ABCA3: variants seen among roughly 807,000 people sequenced by gnomAD.
ABCA3 encodes the protein ATP binding cassette subfamily A member 3, also known as phospholipid-transporting ATPase ABCA3.
Under a neutral mutation model 172.8 loss-of-function variants are expected in ABCA3, and 88 were observed. The observed-to-expected ratio is 0.51, with a 90% CI of 0.43 to 0.61. The LOEUF (loss-of-function observed/expected upper bound fraction) is 0.61. ABCA3 is among the 20% of genes least tolerant of loss of function. ABCA3 has a pLI of 0.00. For missense variants in ABCA3, 2,164 were observed against 2,301.0 expected (o/e 0.94, Z 1.22); for synonymous variants, 1,066 against 983.8 (o/e 1.08, Z -1.56).
rs752271519 is a variant in ABCA3, at chr16:2,289,441, T to C, written c.2693A>G (p.Asn898Ser). 3.2e-6 allele frequency: 5 copies of C among 1,538,712 alleles called. No homozygotes were observed. In the African/African-American group the frequency reaches 5.5e-5, roughly 17 times the overall value. The change falls in exon 20 of 33, where the codon AAC becomes AGC. Residue 898 changes from asparagine to serine, a missense_variant. Transcript: ENST00000301732. ...IEEERTAVKL[N>S]TGLALHCQQF... ...ACCCACCTGGGCACTCACCCCAGTG[T>C]TGAGCTTGACAGCGGTGCGCTCCTC...
intron 7 of ABCA3, chr16:2,323,227 C>T (rs1207469280): frequency 4.0e-6 from 2 of 494,770 alleles, no homozygotes; most frequent in Non-Finnish European, 7.4e-6. Flanking sequence ...CTAGTTCAAC[C>T]ATTGTGGAAG....
At chr16:2,331,783 T>A (rs1374482480) in intron 1 of ABCA3, among the ~76,000 whole-genome samples, 8 of 152,152 alleles carry the variant, frequency 5.3e-5, no homozygotes, top group African/African-American at 1.9e-4. Flanking sequence ...TGAGCCCCCA[T>A]CAGCTACTCT....
intron 10 of ABCA3, among the ~76,000 whole-genome samples, chr16:2,313,278 G>C (rs2141724597): frequency 1.3e-5 from 2 of 152,224 alleles, no homozygotes; most frequent in East Asian, 3.9e-4. Context: ...TCTGGGGCCA[G>C]GTGTGGTAGC....
At chr16:2,313,188 C>T (rs952074062) in intron 10 of ABCA3, among the ~76,000 whole-genome samples, 1 of 152,014 alleles carries the variant, frequency 6.6e-6, no homozygotes, top group Non-Finnish European at 1.5e-5. Context: ...TGGTTTTGCT[C>T]ATCATTGTTT....
chr16:2,297,854 T>C lies in ABCA3; in HGVS notation c.1964A>G (p.Glu655Gly). 1 of 1,613,828 alleles carries C rather than the reference T, an allele frequency of 6.2e-7. No homozygotes were observed. ...VKQMLHIIGL[E>G]DKWNSRSRFL... is the part of the protein sequence containing the mutation. ...GCGGCTCCGTGAGTTCCACTTGTCC[T>C]CCAGGCCGATGATGTGCAGCATCTG... Residue 655 changes from glutamate to glycine, a missense_variant, in exon 16 of 33, where the codon GAG becomes GGG. Transcript: ENST00000301732. This position sits in a 1 kb window ranked among gnomAD's most constrained non-coding sequence, Gnocchi z 5.6.
In ABCA3 at chr16:2,291,709, C is replaced by T. The variant is rs117954669; in HGVS notation, c.2513+431G>A. Among the ~76,000 whole-genome samples the T allele has an allele frequency of 6.0e-4, 91 of 152,348 alleles. No homozygotes were observed. In the East Asian group the frequency reaches 0.015, roughly 26 times the overall value. On this transcript the variant is annotated intron_variant, in intron 19 of 32. Transcript: ENST00000301732. ...GACGGCGGCCACTGCCCGCCCCACC[C>T]CAGGCTGTTCCTCCAGCCTCACGTG... is the stretch of plus-strand genomic sequence containing the variant.
chr16:2,311,744 A>G (rs185480289), intron 10 of ABCA3, among the ~76,000 whole-genome samples: 43 of 150,430 alleles, frequency 2.9e-4, no homozygotes, highest in African/African-American at 1.0e-3. Context: ...CTGCTCTTGA[A>G]CTCCTGACCT....
In ABCA3 at chr16:2,336,142, G is replaced by A. The variant is rs371243166; in HGVS notation, c.-539+4431C>T. ...GAATAGAGCATTTGTGAAAACAGAC[G>A]TTTGAAGAGGTTTCCACAATTACGT... On this transcript the variant is annotated intron_variant, in intron 1 of 32. Transcript: ENST00000301732. 6.6e-5 allele frequency among the ~76,000 whole-genome samples: 10 copies of A among 152,278 alleles called. No individual in the cohort carries two copies. In the South Asian group the frequency reaches 1.2e-3, roughly 19 times the overall value.
At position 2,278,082 on chromosome 16, in the gene ABCA3, C is replaced by T. The variant is rs547597466; in HGVS notation, c.4719-13G>A. The T allele has an allele frequency of 2.0e-5, 32 of 1,613,056 alleles. No individual in the cohort carries two copies. The highest frequency in any genetic ancestry group is 2.5e-5 in the Non-Finnish European group (29 of 1,179,974). On this transcript the variant is annotated splice_polypyrimidine_tract_variant and intron_variant, in intron 30 of 32. Coordinates refer to ENST00000301732, the MANE Select transcript of ABCA3 (RefSeq NM_001089.3). The surrounding 1 kb of genome is among the most constrained non-coding windows in gnomAD (Gnocchi z 4.4). Reference sequence around the variant, plus strand: ...ACACTCCTCCATGCTGTGGAGAGGGCGGGACCTCAGATAGGGCTTGGGGTG... The same window carrying T: ...ACACTCCTCCATGCTGTGGAGAGGGTGGGACCTCAGATAGGGCTTGGGGTG...
rs1219976915 is a variant in ABCA3, at chr16:2,284,574, CG to C, written c.3704-138del. On this transcript the variant is annotated intron_variant, in intron 24 of 32. Coordinates refer to ENST00000301732, the MANE Select transcript of ABCA3 (RefSeq NM_001089.3). The surrounding 1 kb of genome is among the most constrained non-coding windows in gnomAD (Gnocchi z 5.9). ...GGGCACCTCCCAGGGACGCCCCTGC[CG>C]GCTCTGCACAGGGCAAGGACGCCGC... The C allele has an allele frequency of 3.6e-6, 5 of 1,379,256 alleles. No individual in the cohort carries two copies. The East Asian group carries it at 1.2e-4, about 32-fold the overall frequency. The allele number at this position is 1,379,256 out of a possible 1,614,324, so 85.4% of individuals were successfully genotyped here. A position where few individuals can be genotyped will look rare whatever the true frequency, so the allele number is the denominator to read the frequency against.
rs1243502845 is a variant in ABCA3, at chr16:2,279,446, G to C, written c.4360-316C>G. Among the ~76,000 whole-genome samples the C allele has an allele frequency of 6.6e-6, 1 of 152,184 alleles. No individual in the cohort carries two copies. The highest frequency in any genetic ancestry group is 2.4e-5 in the African/African-American group (1 of 41,444). ...GCCTTTACGTAGAAGCAGACTCAGA[G>C]CTGGCTACCCACTCATTCACACCTG... On this transcript the variant is annotated intron_variant, in intron 28 of 32. Coordinates refer to ENST00000301732, the MANE Select transcript of ABCA3 (RefSeq NM_001089.3). This position sits in a 1 kb window ranked among gnomAD's most constrained non-coding sequence, Gnocchi z 4.4.
Position 2,277,490 on chromosome 16 carries a change from G to T in ABCA3, c.4983+107C>A. ...CTGAGTGTTAGGGGAGAAATGGAAAGTGACTCCTCTGTGGAAAGAGCCTGC... is the reference window on the plus strand; with the variant it reads ...CTGAGTGTTAGGGGAGAAATGGAAATTGACTCCTCTGTGGAAAGAGCCTGC... On this transcript the variant is annotated intron_variant, in intron 32 of 32. Transcript: ENST00000301732. The surrounding 1 kb of genome is among the most constrained non-coding windows in gnomAD (Gnocchi z 5.3). 1 of 1,188,030 alleles carries T rather than the reference G, an allele frequency of 8.4e-7. No homozygotes were observed. The highest frequency in any genetic ancestry group is 1.2e-6 in the Non-Finnish European group (1 of 815,992). 73.6% of individuals were successfully genotyped at this position (1,188,030 alleles called of 1,614,324 possible).
chr16:2,308,317 G>C, intron 11 of ABCA3, 133 bp downstream of exon 11: 1 of 1,096,412 alleles, frequency 9.1e-7, no homozygotes, highest in Non-Finnish European at 1.4e-6. Flanking sequence ...GTATGCGGAT[G>C]CTGCTGCCTT....
Position 2,285,661 on chromosome 16 carries a change from G to A in ABCA3, c.3279-15C>T. 6.4e-7 allele frequency: 1 copy of A among 1,551,322 alleles called. No homozygotes were observed. Among genetic ancestry groups the A allele is most frequent in the East Asian group, 2.4e-5 (1 of 40,930 alleles). ...CCTTCCGGCCCCTGCGGGGGACAGA[G>A]AAGGTCAGGGACGGAGCACAGCACG... is the stretch of plus-strand genomic sequence containing the variant. On this transcript the variant is annotated splice_polypyrimidine_tract_variant and intron_variant, in intron 22 of 32. Transcript: ENST00000301732. This position sits in a 1 kb window ranked among gnomAD's most constrained non-coding sequence, Gnocchi z 4.7.
rs1452707237 is a variant in ABCA3 at position 2,278,693 on chromosome 16, C to G, written c.4548-235G>C. Among the ~76,000 whole-genome samples the G allele has an allele frequency of 6.6e-6, 1 of 152,174 alleles. No homozygotes were observed. The highest frequency in any genetic ancestry group is 1.5e-5 in the Non-Finnish European group (1 of 68,026). ...ACGCACCTACATGGGAAGACATCTG[C>G]CTGCACCTAAAGGGGACCTGCCGAC... On this transcript the variant is annotated intron_variant, in intron 29 of 32. Coordinates refer to ENST00000301732, the MANE Select transcript of ABCA3 (RefSeq NM_001089.3). The surrounding 1 kb of genome is among the most constrained non-coding windows in gnomAD (Gnocchi z 4.4).
In ABCA3 at chr16:2,278,499, A is replaced by C; in HGVS notation, c.4548-41T>G. 1.2e-6 allele frequency: 2 copies of C among 1,603,762 alleles called. No homozygotes were observed. Among genetic ancestry groups the C allele is most frequent in the Non-Finnish European group, 1.7e-6 (2 of 1,178,924 alleles). On this transcript the variant is annotated intron_variant, in intron 29 of 32. Coordinates refer to ENST00000301732, the MANE Select transcript of ABCA3 (RefSeq NM_001089.3). The surrounding 1 kb of genome is among the most constrained non-coding windows in gnomAD (Gnocchi z 4.4). The stretch of plus-strand genomic sequence containing the variant: ...TGCCAGGTGGGGGAATAAGGCTGAG[A>C]GTTAGCATTGGCTCCCATGTCCCAG...
At chr16:2,336,504 C>T (rs1459506659) in intron 1 of ABCA3, among the ~76,000 whole-genome samples, 2 of 151,120 alleles carry the variant, frequency 1.3e-5, no homozygotes, top group African/African-American at 4.9e-5. Flanking sequence ...AATCTCGGCT[C>T]ACTGCAACCT....
At position 2,340,558 on chromosome 16, in the gene ABCA3, C is replaced by A. The variant is rs1429804027; in HGVS notation, c.-539+15G>T. 3 of 148,746 alleles carry A rather than the reference C, an allele frequency of 2.0e-5. No individual in the cohort carries two copies. Among genetic ancestry groups the A allele is most frequent in the South Asian group, 2.1e-4 (1 of 4,876 alleles). The allele number at this position is 148,746 out of a possible 1,614,324, so 9.2% of individuals were successfully genotyped here. ...GGGAACGAGCGCGCGAGCGGCGGGT[C>A]CCGGCGGCACTCACCGAGCCTGGGC... On this transcript the variant is annotated intron_variant, in intron 1 of 32. Transcript: ENST00000301732.
chr16:2,289,378 C>T (rs559254812), intron 20 of ABCA3, 56 bp downstream of exon 20: 20 of 1,536,554 alleles, frequency 1.3e-5, no homozygotes, highest in East Asian at 4.8e-5. Flanking sequence ...TTACATGAGG[C>T]GTTTGGGGGC....
Sources: allele counts gnomAD v4.1 joint callset (sites outside exome capture counted in the v4.1 genomes callset), GRCh38; gene constraint gnomAD v4.1.1; non-coding constraint Gnocchi (gnomAD v3.1); transcripts MANE v1.5; gene names NCBI Gene and HGNC (gene_info 2026-07-23, HGNC 2026-07-21).